Variants in ATG3 observed in about 807,000 individuals in gnomAD.
ATG3 encodes the protein autophagy related 3, also known as ubiquitin-like-conjugating enzyme ATG3.
In ATG3, 25 loss-of-function variants were observed where a neutral mutation model predicts 50.7. That is an observed-to-expected ratio of 0.49 (90% CI 0.36 to 0.69). The LOEUF (loss-of-function observed/expected upper bound fraction) is 0.69, where lower values mean the gene tolerates loss of function less well. Among genes scored for constraint, ATG3 ranks in the 30% least tolerant of loss-of-function variants. The probability of loss-of-function intolerance (pLI) is 0.00; values close to 1 mark genes in which losing one functional copy is unlikely to be tolerated. For missense variants in ATG3, 281 were observed against 376.0 expected (o/e 0.75, Z 2.09); for synonymous variants, 119 against 125.5 (o/e 0.95, Z 0.34).
At chr3:112,559,063 G>C (rs1391575920) in intron 1 of ATG3, among the ~76,000 whole-genome samples, 1 of 152,136 alleles carries the variant, frequency 6.6e-6, no homozygotes, top group Non-Finnish European at 1.5e-5. Context: ...AACATTCTAA[G>C]ATTTAAATAA....
intron 11 of ATG3, chr3:112,533,714 T>C (rs1221179556): frequency 1.0e-6 from 1 of 985,266 alleles, no homozygotes; most frequent in Non-Finnish European, 1.2e-6. Flanking sequence ...ACAGTTTGCT[T>C]GGGCATTAAC....
chr3:112,536,574 A>G lies in ATG3; in HGVS notation c.695T>C (p.Met232Thr). 1 of 1,614,134 alleles carries G rather than the reference A, an allele frequency of 6.2e-7. No homozygotes were observed. The highest frequency in any genetic ancestry group is 8.5e-7 in the Non-Finnish European group (1 of 1,179,994). Residue 232 changes from methionine (M) to threonine (T), a missense_variant, in exon 10 of 12, where the codon ATG (methionine) becomes ACG (threonine). Physicochemically the swap from Met to Thr is moderately conservative, Grantham distance 81. This residue lies in a region of ATG3 where 242 missense variants were observed against 305.0 expected (regional missense o/e 0.79). Transcript: ENST00000283290. ...ATGATCCTGACTGATGTCTTCATAC[A>G]TGTGCTCAACTGTTAAAGGCTGCCG... ...EQRQPLTVEH[M>T]YEDISQDHVK... is the part of the protein sequence containing the mutation.
intron 3 of ATG3, 147 bp from the exon 4 acceptor site, chr3:112,550,409 A>C (rs1933497042): frequency 1.6e-6 from 1 of 625,872 alleles, no homozygotes; most frequent in African/African-American, 1.9e-5. Flanking sequence ...GGACTCCATT[A>C]AGTAATACAT....
chr3:112,556,651 A>G (rs1269958605), intron 2 of ATG3, among the ~76,000 whole-genome samples: 2 of 152,118 alleles, frequency 1.3e-5, no homozygotes. Flanking sequence ...AGAGGTAGAC[A>G]TTGTAGACTT....
At chr3:112,543,942 A>T (rs1470731618) in intron 6 of ATG3, 115 bp downstream of exon 6, 1 of 726,740 alleles carries the variant, frequency 1.4e-6, no homozygotes, top group African/African-American at 1.8e-5. Flanking sequence ...GCTTGATAAT[A>T]AAAAACCAGG....
At position 112,557,232 on chromosome 3, in the gene ATG3, T is replaced by TA. The variant is rs1933711624; in HGVS notation, c.114+1143dup. Among the ~76,000 whole-genome samples the TA allele has an allele frequency of 1.3e-5, 2 of 149,638 alleles. 1 individual carries two copies. Among genetic ancestry groups the TA allele is most frequent in the South Asian group, 4.2e-4 (2 of 4,754 alleles). On this transcript the variant is annotated intron_variant, in intron 2 of 11. Coordinates refer to ENST00000283290, the MANE Select transcript of ATG3 (RefSeq NM_022488.5). ...ACGCCCCGCTAATTTTTTATATTTT[T>TA]AGTAGAGACGGGGTTTCGCCCTGTT...
chr3:112,542,785 T>C (rs972721965), intron 6 of ATG3, among the ~76,000 whole-genome samples: 2 of 151,986 alleles, frequency 1.3e-5, no homozygotes, highest in African/African-American at 2.4e-5. Context: ...TGGCAAGTAT[T>C]CTAAGTTACA....
chr3:112,545,699 A>T (rs1576720527), intron 5 of ATG3, among the ~76,000 whole-genome samples: 1 of 152,238 alleles, frequency 6.6e-6, no homozygotes, highest in African/African-American at 2.4e-5. Context: ...AAATATAATA[A>T]GTAGTACGCC....
intron 7 of ATG3, 79 bp from the exon 8 acceptor site, chr3:112,538,259 T>G (rs1933130247): frequency 7.9e-6 from 9 of 1,135,842 alleles, no homozygotes; most frequent in African/African-American, 4.8e-5. Flanking sequence ...TATTACTTCA[T>G]AGTATCATTC....
At chr3:112,556,489 G>T (rs1489641055) in intron 2 of ATG3, among the ~76,000 whole-genome samples, 2 of 152,202 alleles carry the variant, frequency 1.3e-5, no homozygotes, top group South Asian at 4.1e-4. Flanking sequence ...GAAGTGAGGA[G>T]CCCCTCTGCC....
At chr3:112,559,217 T>G (rs1165579854) in intron 1 of ATG3, among the ~76,000 whole-genome samples, 1 of 152,182 alleles carries the variant, frequency 6.6e-6, no homozygotes, top group African/African-American at 2.4e-5. Flanking sequence ...AATCTAGAAA[T>G]TATTTAGCAT....
intron 9 of ATG3, among the ~76,000 whole-genome samples, chr3:112,537,168 C>T (rs1933088431): frequency 6.6e-6 from 1 of 152,018 alleles, no homozygotes; most frequent in South Asian, 2.1e-4. Flanking sequence ...AAAAAAATCT[C>T]ACAAAAAGAC....
In ATG3 at chr3:112,532,636, A is replaced by T; in HGVS notation, c.*63T>A. On this transcript the variant is annotated 3_prime_UTR_variant, in exon 12 of 12. Transcript: ENST00000283290. ...ATTGATGAATATGGTCAATGGTCAC[A>T]TCTATGGGTTAATTCTTTAAAAATC... 7.8e-7 allele frequency: 1 copy of T among 1,290,170 alleles called. No homozygotes were observed. 79.9% of individuals were successfully genotyped at this position (1,290,170 alleles called of 1,614,324 possible).
chr3:112,551,141 T>C (rs887141610), intron 3 of ATG3, among the ~76,000 whole-genome samples: 14 of 152,210 alleles, frequency 9.2e-5, no homozygotes, highest in African/African-American at 3.4e-4. Context: ...GAGTGGTATG[T>C]GGTGCCTTTC....
chr3:112,549,054 CTT>C (rs1335058993), intron 4 of ATG3, among the ~76,000 whole-genome samples: 1 of 152,188 alleles, frequency 6.6e-6, no homozygotes, highest in Non-Finnish European at 1.5e-5. Flanking sequence ...AAGGTGAACT[CTT>C]GTTTTCAAGG....
At chr3:112,536,291 G>GCT (rs1553737122) in intron 10 of ATG3, 184 bp downstream of exon 10, 3 of 653,518 alleles carry the variant, frequency 4.6e-6, no homozygotes, top group Non-Finnish European at 7.2e-6. Flanking sequence ...AAATTGGTAA[G>GCT]TTTTTTTTCC....
chr3:112,558,317 G>C, intron 2 of ATG3, 59 bp downstream of exon 2: 2 of 1,279,570 alleles, frequency 1.6e-6, no homozygotes, highest in Non-Finnish European at 2.2e-6. Context: ...AAGCAGAAAA[G>C]CCACCTAGTT....
In ATG3 at chr3:112,557,611, C is replaced by T. The variant is rs987207903; in HGVS notation, c.114+765G>A. On this transcript the variant is annotated intron_variant, in intron 2 of 11. Transcript: ENST00000283290. Reference sequence around the variant, plus strand: ...CCAGCCTGGTGACAGAGGGAGACTCCGTCTCAAGAAAAAAAAATTAAAAAA... The same window carrying T: ...CCAGCCTGGTGACAGAGGGAGACTCTGTCTCAAGAAAAAAAAATTAAAAAA... Among the ~76,000 whole-genome samples, 19 of 151,690 alleles carry T rather than the reference C, an allele frequency of 1.3e-4. No homozygotes were observed. The South Asian group carries it at 2.9e-3, about 23-fold the overall frequency.
chr3:112,543,986 T>C lies in ATG3; in HGVS notation c.393+71A>G, dbSNP rs1576719007. The C allele has an allele frequency of 2.2e-5, 25 of 1,111,946 alleles. No homozygotes were observed. In the South Asian group the frequency reaches 2.5e-4, roughly 11 times the overall value. 68.9% of individuals were successfully genotyped at this position (1,111,946 alleles called of 1,614,324 possible). On this transcript the variant is annotated intron_variant, in intron 6 of 11. Coordinates refer to ENST00000283290, the MANE Select transcript of ATG3 (RefSeq NM_022488.5). ...AAGAAAGATATGGTGATTATATATG[T>C]GTGTGTATAGATAGATAGATAGGCA...
Sources: allele counts gnomAD v4.1 joint callset (sites outside exome capture counted in the v4.1 genomes callset), GRCh38; gene constraint gnomAD v4.1.1; regional missense constraint gnomAD v4.1.1; transcripts MANE v1.5; gene names NCBI Gene and HGNC (gene_info 2026-07-23, HGNC 2026-07-21).